The following ATP6V0A4 variants were observed in gnomAD, a reference collection of about 807,000 sequenced individuals.
ATP6V0A4 encodes the protein V-type proton ATPase 116 kDa subunit a 4.
Under a neutral mutation model 107.3 loss-of-function variants are expected in ATP6V0A4, and 86 were observed. That is an observed-to-expected ratio of 0.80 (90% CI 0.67 to 0.96). The LOEUF is 0.96. Among genes scored for constraint, ATP6V0A4 ranks in the 40% least tolerant of loss-of-function variants. The pLI is 0.00. For synonymous variants in ATP6V0A4, 353 were observed against 381.4 expected, an observed-to-expected ratio of 0.93 and a Z score of 0.87; for missense variants, 908 against 1,045.6, an observed-to-expected ratio of 0.87 and a Z score of 1.81.
At chr7:138,718,043 AGTGGGGGGGTAC>A in intron 19 of ATP6V0A4, among the ~76,000 whole-genome samples, 1 of 84,326 alleles carries the variant, frequency 1.2e-5, no homozygotes, top group Non-Finnish European at 2.5e-5. Flanking sequence ...TCCAGGAAGG[AGTGGGGGGGTAC>A]AGTCACGGGT....
intron 10 of ATP6V0A4, among the ~76,000 whole-genome samples, chr7:138,755,195 G>A (rs1183039131): frequency 6.6e-6 from 1 of 152,228 alleles, no homozygotes; most frequent in African/African-American, 2.4e-5. Flanking sequence ...TGTGTTGAGT[G>A]ACCCTGGATG....
intron 1 of ATP6V0A4, among the ~76,000 whole-genome samples, chr7:138,791,036 G>A (rs761098619): frequency 9.2e-5 from 14 of 152,004 alleles, no homozygotes; most frequent in Non-Finnish European, 2.1e-4. Context: ...GGAAATAAAC[G>A]AATGGGAAAA....
At chr7:138,718,608 A>ATGGGGAGGAATGGGGAGGAC (rs2117204249) in intron 19 of ATP6V0A4, among the ~76,000 whole-genome samples, 1 of 74,484 alleles carries the variant, frequency 1.3e-5, no homozygotes, top group African/African-American at 5.7e-5. Context: ...ATGGGGAGGA[A>ATGGGGAGGAATGGGGAGGAC]TGGGGAGGAA....
chr7:138,794,279 G>C (rs1313135575), intron 1 of ATP6V0A4, among the ~76,000 whole-genome samples: 1 of 152,164 alleles, frequency 6.6e-6, no homozygotes, highest in East Asian at 1.9e-4. Context: ...ATTCTCCTCT[G>C]AATAGATTTT....
At chr7:138,794,877 T>C (rs1263261761) in intron 1 of ATP6V0A4, among the ~76,000 whole-genome samples, 1 of 148,950 alleles carries the variant, frequency 6.7e-6, no homozygotes, top group African/African-American at 2.5e-5. Context: ...TAGTTATCAT[T>C]GGCCAGTCCA....
At chr7:138,758,668 C>T (rs549981235) in intron 8 of ATP6V0A4, among the ~76,000 whole-genome samples, 2 of 149,026 alleles carry the variant, frequency 1.3e-5, no homozygotes, top group East Asian at 4.0e-4. Flanking sequence ...TTGGCAAATA[C>T]ATCATCAGCA....
intron 21 of ATP6V0A4, 107 bp from the exon 22 acceptor site, chr7:138,706,824 CACAAAGTCAGA>C (rs1803392373): frequency 6.5e-7 from 1 of 1,547,974 alleles, no homozygotes; most frequent in African/African-American, 1.4e-5. Flanking sequence ...TAAAATCAAG[CACAAAGTCAGA>C]AGGGTTGGCC....
intron 12 of ATP6V0A4, 76 bp from the exon 13 acceptor site, chr7:138,747,640 C>T: frequency 1.9e-6 from 3 of 1,584,834 alleles, no homozygotes; most frequent in Non-Finnish European, 2.6e-6. Flanking sequence ...CCTGCCACAG[C>T]TCCACGATTT....
chr7:138,752,794 T>A lies in ATP6V0A4; in HGVS notation c.860A>T (p.Glu287Val). Reference protein sequence around the residue: ...TESHRQRLLQEAAANWHSWLI... With the variant: ...TESHRQRLLQVAAANWHSWLI... ...CCAGGAGTGCCAGTTGGCAGCGGCT[T>A]CCTGCAGCAGGCGCTGGCGGTGAGA... The change falls in exon 11 of 22, where the codon GAA becomes GTA. Residue 287 changes from glutamate to valine, a missense_variant. Transcript: ENST00000310018. 2 of 1,614,196 alleles carry A rather than the reference T, an allele frequency of 1.2e-6. No individual in the cohort carries two copies. The highest frequency in any genetic ancestry group is 1.7e-6 in the Non-Finnish European group (2 of 1,180,030).
At chr7:138,716,253 T>G (rs150299652) in intron 19 of ATP6V0A4, among the ~76,000 whole-genome samples, 1 of 152,222 alleles carries the variant, frequency 6.6e-6, no homozygotes, top group Non-Finnish European at 1.5e-5. Context: ...TATCACCTAG[T>G]CAAGTCGGAA....
intron 3 of ATP6V0A4, among the ~76,000 whole-genome samples, chr7:138,770,796 G>T (rs921913496): frequency 3.9e-5 from 6 of 152,112 alleles, no homozygotes; most frequent in African/African-American, 1.4e-4. Flanking sequence ...ATAAGGTTTG[G>T]TAATCTACAT....
At chr7:138,767,079 C>T (rs866757971) in intron 5 of ATP6V0A4, among the ~76,000 whole-genome samples, 1 of 152,164 alleles carries the variant, frequency 6.6e-6, no homozygotes, top group South Asian at 2.1e-4. Context: ...CAATGCCATC[C>T]TTCTCATGAA....
chr7:138,775,644 ATTTTTTTTTTTTT>A (rs36128448), intron 2 of ATP6V0A4, among the ~76,000 whole-genome samples: 2 of 89,078 alleles, frequency 2.2e-5, no homozygotes, highest in African/African-American at 9.2e-5. Flanking sequence ...GATTGGGCTG[ATTTTTTTTTTTTT>A]TTTTTTTTTT....
In ATP6V0A4 at chr7:138,740,424, C is replaced by CT. The variant is rs1288644564; in HGVS notation, c.1479-792dup. Reference sequence around the variant, plus strand: ...AATGGATGTCAATGGGAAGAAATTTCTTTTTTTTTTTTTTTTTTGGAGACT... The same window carrying CT: ...AATGGATGTCAATGGGAAGAAATTTCTTTTTTTTTTTTTTTTTTTGGAGACT... On this transcript the variant is annotated intron_variant, in intron 14 of 21. Transcript: ENST00000310018. Among the ~76,000 whole-genome samples, 1,188 of 128,934 alleles carry CT rather than the reference C, an allele frequency of 9.2e-3. 4 individuals are homozygous for CT. The highest frequency in any genetic ancestry group is 0.018 in the South Asian group (72 of 3,962). The allele number at this position is 128,934 out of a possible 152,430, so 84.6% of individuals were successfully genotyped here. A position where few individuals can be genotyped will look rare whatever the true frequency, so the allele number is the denominator to read the frequency against.
chr7:138,726,898 G>C (rs1324123696), intron 18 of ATP6V0A4, among the ~76,000 whole-genome samples: 2 of 152,022 alleles, frequency 1.3e-5, no homozygotes, highest in African/African-American at 4.8e-5. Context: ...GCGCAAAGGA[G>C]AAATCTACCA....
rs138140378 is a variant in ATP6V0A4 at position 138,759,188 on chromosome 7, T to C, written c.639+564A>G. Reference sequence around the variant, plus strand: ...TGTCCTCCCACCTCAGCCTCCTAAGTAGCTGGGACTACCGGTGTGTGCCAC... The same window carrying C: ...TGTCCTCCCACCTCAGCCTCCTAAGCAGCTGGGACTACCGGTGTGTGCCAC... On this transcript the variant is annotated intron_variant, in intron 8 of 21. Coordinates refer to ENST00000310018, the MANE Select transcript of ATP6V0A4 (RefSeq NM_020632.3). 9.5e-3 allele frequency among the ~76,000 whole-genome samples: 1,434 copies of C among 150,966 alleles called. 10 individuals carry two copies. Among genetic ancestry groups the C allele is most frequent in the Middle Eastern group, 0.021 (6 of 292 alleles).
intron 21 of ATP6V0A4, among the ~76,000 whole-genome samples, chr7:138,707,552 C>A (rs1803510979): frequency 1.3e-5 from 2 of 149,226 alleles, no homozygotes; most frequent in African/African-American, 4.9e-5. Context: ...CAGATGCCCA[C>A]CACCATGCCC....
At chr7:138,717,908 GGAA>G (rs1562979663) in intron 19 of ATP6V0A4, among the ~76,000 whole-genome samples, 6 of 73,036 alleles carry the variant, frequency 8.2e-5, no homozygotes, top group South Asian at 3.4e-4. Flanking sequence ...ACTCTGTCTC[GGAA>G]AAAAAAAAAA....
intron 18 of ATP6V0A4, among the ~76,000 whole-genome samples, chr7:138,724,018 CA>C (rs1804574023): frequency 1.0e-5 from 1 of 97,558 alleles, no homozygotes; most frequent in Non-Finnish European, 2.0e-5. Flanking sequence ...AGTGAGATCC[CA>C]TCTCTCAAAA....
Sources: gnomAD v4.1 joint callset for allele counts (sites outside exome capture counted in the v4.1 genomes callset) on GRCh38, gnomAD v4.1.1 for gene constraint, MANE v1.5 for transcripts, NCBI Gene and HGNC (gene_info 2026-07-23, HGNC 2026-07-21) for gene names.